The following ASTN2 variants were observed in gnomAD, a reference collection of about 807,000 sequenced individuals.
ASTN2 encodes astrotactin 2, also known as astrotactin-2.
In ASTN2, 54 loss-of-function variants were observed where a neutral mutation model predicts 139.8. The ratio of observed to expected loss-of-function variants is 0.39; its 90% CI spans 0.31 to 0.48. ASTN2 has a LOEUF of 0.48. Among genes scored for constraint, ASTN2 ranks in the 20% least tolerant of loss-of-function variants. The probability of loss-of-function intolerance (pLI) is 0.95; values close to 1 mark genes in which losing one functional copy is unlikely to be tolerated. For synonymous variants in ASTN2, 756 were observed against 719.5 expected, an observed-to-expected ratio of 1.05 and a Z score of -0.81; for missense variants, 1,565 against 1,725.1, an observed-to-expected ratio of 0.91 and a Z score of 1.64.
intron 1 of ASTN2, among the ~76,000 whole-genome samples, chr9:117,407,841 T>C (rs1446685851): frequency 1.3e-5 from 2 of 152,228 alleles, no homozygotes; most frequent in South Asian, 2.1e-4. Flanking sequence ...TCTCTCACTA[T>C]AGTTAATCTT....
chr9:116,946,062 G>T (rs994332097), intron 10 of ASTN2, among the ~76,000 whole-genome samples: 25 of 152,162 alleles, frequency 1.6e-4, no homozygotes, highest in African/African-American at 5.1e-4. Flanking sequence ...CAAATAATCA[G>T]ATCTCTTGAG....
chr9:117,091,713 A>G (rs974995798), intron 5 of ASTN2, among the ~76,000 whole-genome samples: 1 of 152,112 alleles, frequency 6.6e-6, no homozygotes, highest in African/African-American at 2.4e-5. Context: ...AGGAGCGGAC[A>G]GAGCCCTGGG....
At chr9:116,587,631 T>A (rs189001006) in intron 19 of ASTN2, among the ~76,000 whole-genome samples, 11 of 152,302 alleles carry the variant, frequency 7.2e-5, no homozygotes, top group Admixed American at 5.2e-4. Flanking sequence ...AGTAACTGGT[T>A]GACAGCAGGA....
intron 1 of ASTN2, among the ~76,000 whole-genome samples, chr9:117,367,140 C>G (rs188510836): frequency 1.3e-5 from 2 of 152,158 alleles, no homozygotes; most frequent in Non-Finnish European, 2.9e-5. Context: ...GGCTGTCTTA[C>G]ATAGACTTGC....
At chr9:116,948,789 T>TTTTTTTTGTTTTTTTTTTTTTTTTG (rs1835473263) in intron 10 of ASTN2, among the ~76,000 whole-genome samples, 1 of 104,760 alleles carries the variant, frequency 9.5e-6, no homozygotes, top group African/African-American at 4.3e-5. Context: ...TTTGGTGTTT[T>TTTTTTTTGTTTTTTTTTTTTTTTTG]TTTTTTTTTT....
chr9:116,820,594 G>C, intron 12 of ASTN2, 23 bp downstream of exon 12: 1 of 1,608,222 alleles, frequency 6.2e-7, no homozygotes, highest in Non-Finnish European at 8.5e-7. Flanking sequence ...TGGGGCACCT[G>C]GGCCTTGGGG....
intron 11 of ASTN2, among the ~76,000 whole-genome samples, chr9:116,856,971 GC>G (rs1226401954): frequency 6.6e-6 from 1 of 152,150 alleles, no homozygotes; most frequent in Non-Finnish European, 1.5e-5. Flanking sequence ...TTCTATGAAG[GC>G]CTTGACTATT....
chr9:117,012,783 C>T (rs766576111), intron 6 of ASTN2, among the ~76,000 whole-genome samples: 5 of 152,138 alleles, frequency 3.3e-5, no homozygotes, highest in Non-Finnish European at 5.9e-5. Context: ...GGCTAGACTC[C>T]ATAACTGGCC....
intron 19 of ASTN2, among the ~76,000 whole-genome samples, chr9:116,564,988 T>C (rs1440880373): frequency 6.6e-6 from 1 of 151,964 alleles, no homozygotes; most frequent in African/African-American, 2.4e-5. Flanking sequence ...AGACTTAGAG[T>C]ACAAACCTAA....
rs1587983107 is a variant in ASTN2, at chr9:117,364,598, A to G, written c.442+49899T>C. Among the ~76,000 whole-genome samples the G allele has an allele frequency of 1.3e-5, 2 of 152,282 alleles. 1 individual carries two copies. The highest frequency in any genetic ancestry group is 4.1e-4 in the South Asian group (2 of 4,824). On this transcript the variant is annotated intron_variant, in intron 1 of 22. Transcript: ENST00000313400. The stretch of plus-strand genomic sequence containing the variant: ...AAATAGCTGAAGAGCGGGGTTTAAA[A>G]TGAAGTTGTGGCATAGGAGGCAAGT...
intron 12 of ASTN2, among the ~76,000 whole-genome samples, chr9:116,815,964 C>T (rs1831317548): frequency 6.6e-6 from 1 of 152,028 alleles, no homozygotes; most frequent in Non-Finnish European, 1.5e-5. Flanking sequence ...TTTTCTCATA[C>T]AAGGACAACT....
intron 2 of ASTN2, among the ~76,000 whole-genome samples, chr9:117,284,398 C>A (rs577775923): frequency 3.9e-5 from 6 of 152,342 alleles, no homozygotes; most frequent in African/African-American, 1.4e-4. Context: ...AGCCACCGCA[C>A]CTGGCCTCTG....
intron 5 of ASTN2, among the ~76,000 whole-genome samples, chr9:117,081,661 A>G (rs1828431375): frequency 6.6e-6 from 1 of 152,206 alleles, no homozygotes; most frequent in Non-Finnish European, 1.5e-5. Flanking sequence ...GCCTGGCTGA[A>G]TCAAGTGAGC....
intron 13 of ASTN2, among the ~76,000 whole-genome samples, chr9:116,734,666 A>G (rs1828878057): frequency 6.6e-6 from 1 of 152,174 alleles, no homozygotes; most frequent in African/African-American, 2.4e-5. Flanking sequence ...TGAAATGAAA[A>G]TCAGAAGCAC....
chr9:117,047,902 A>C (rs1838792044), intron 5 of ASTN2, among the ~76,000 whole-genome samples: 1 of 152,100 alleles, frequency 6.6e-6, no homozygotes, highest in African/African-American at 2.4e-5. Flanking sequence ...ATAGCCACTA[A>C]CTTAGGTGCC....
At chr9:117,041,967 T>G (rs2132652116) in intron 5 of ASTN2, among the ~76,000 whole-genome samples, 1 of 152,068 alleles carries the variant, frequency 6.6e-6, no homozygotes, top group East Asian at 1.9e-4. Flanking sequence ...AACACTAGAG[T>G]CTAGTAAATA....
rs142086932 is a variant in ASTN2, at chr9:117,033,418, G to A, written c.1423+6401C>T. ...TTAGGTATTGAGCTAAAAGCTTTAT[G>A]AGCATTATTTCACTTATTCTTAGCA... is the stretch of plus-strand genomic sequence containing the variant. On this transcript the variant is annotated intron_variant, in intron 6 of 22. Transcript: ENST00000313400. Among the ~76,000 whole-genome samples, 499 of 151,752 alleles carry A rather than the reference G, an allele frequency of 3.3e-3. 3 individuals carry two copies. Among genetic ancestry groups the A allele is most frequent in the African/African-American group, 0.011 (464 of 41,212 alleles).
intron 5 of ASTN2, among the ~76,000 whole-genome samples, chr9:117,094,078 T>C (rs1348886464): frequency 7.1e-6 from 1 of 140,594 alleles, no homozygotes; most frequent in East Asian, 2.1e-4. Flanking sequence ...GAACAAATAT[T>C]TGTGGTATGT....
intron 4 of ASTN2, among the ~76,000 whole-genome samples, chr9:117,118,590 T>C (rs77167488): frequency 0.059 from 9,009 of 152,276 alleles, 402 homozygotes; most frequent in East Asian, 0.22. Context: ...AGATTATAAA[T>C]GTAAATCAAA....
Sources: allele counts gnomAD v4.1 joint callset (sites outside exome capture counted in the v4.1 genomes callset), GRCh38; gene constraint gnomAD v4.1.1; transcripts MANE v1.5; gene names NCBI Gene and HGNC (gene_info 2026-07-23, HGNC 2026-07-21).